NCOR1: variants seen among roughly 807,000 people sequenced by gnomAD.
NCOR1 encodes the protein nuclear receptor corepressor 1.
A neutral mutation model predicts 288.1 loss-of-function variants in NCOR1; 63 were observed. The observed-to-expected ratio is 0.22, with a 90% CI of 0.18 to 0.27. The LOEUF (loss-of-function observed/expected upper bound fraction) is 0.27, where lower values mean the gene tolerates loss of function less well. NCOR1 is among the 10% of genes least tolerant of loss of function. NCOR1 has a pLI of 1.00. For synonymous variants in NCOR1, 1,007 were observed against 1,065.9 expected (o/e 0.94, Z 1.08); for missense variants, 2,397 against 3,019.2 (o/e 0.79, Z 4.83).
At chr17:16,190,855 T>C (rs1422630415) in intron 2 of NCOR1, among the ~76,000 whole-genome samples, 1 of 152,186 alleles carries the variant, frequency 6.6e-6, no homozygotes, top group Admixed American at 6.5e-5. Context: ...GCTTGATCGC[T>C]GAGAGAAATG....
intron 31 of NCOR1, among the ~76,000 whole-genome samples, chr17:16,068,936 C>T (rs1411622028): frequency 6.6e-6 from 1 of 152,042 alleles, no homozygotes; most frequent in East Asian, 1.9e-4. Context: ...AGGATGGGCT[C>T]AATCTCCTGA....
intron 2 of NCOR1, chr17:16,192,142 C>T (rs1277937695): frequency 6.7e-6 from 1 of 149,748 alleles, no homozygotes; most frequent in Admixed American, 6.7e-5. Context: ...TAGCAAGGCA[C>T]CATCTTCGTT....
intron 19 of NCOR1, among the ~76,000 whole-genome samples, chr17:16,107,660 C>T (rs529945845): frequency 6.6e-6 from 1 of 152,266 alleles, no homozygotes. Flanking sequence ...ATACTAGCCA[C>T]CAGAAACAAA....
At chr17:16,041,679 T>G (rs113031540) in intron 42 of NCOR1, among the ~76,000 whole-genome samples, 2 of 152,124 alleles carry the variant, frequency 1.3e-5, no homozygotes, top group African/African-American at 4.8e-5. Flanking sequence ...CCTCCTAAAG[T>G]GCTGGGATTA....
intron 6 of NCOR1, among the ~76,000 whole-genome samples, chr17:16,156,634 A>G (rs1383553172): frequency 6.6e-6 from 1 of 152,196 alleles, no homozygotes; most frequent in Non-Finnish European, 1.5e-5. Context: ...AGGCAAGTTT[A>G]ACACTGAAAC....
At chr17:16,198,326 C>G (rs1350862823) in intron 1 of NCOR1, 2 of 143,172 alleles carry the variant, frequency 1.4e-5, no homozygotes, top group East Asian at 4.1e-4. Flanking sequence ...CCACTACCCT[C>G]TAGCCTGGGC....
chr17:16,109,209 T>C (rs2069445723), intron 18 of NCOR1, among the ~76,000 whole-genome samples: 1 of 152,110 alleles, frequency 6.6e-6, no homozygotes, highest in Non-Finnish European at 1.5e-5. Context: ...TCCATGCTTT[T>C]TACTCACTCC....
In NCOR1 at chr17:16,126,163, TCTTTTTCTTCTA is replaced by T. The variant is rs1409920260; in HGVS notation, c.1541_1552del (p.Val514_Lys517del). ...TTCTGTTTTTTCTGCTTTATCCTCT[TCTTTTTCTTCTA>T]CTTTTTCTTCTTGCGAGGGTCGAGC... On this transcript the variant is annotated inframe_deletion, in exon 15 of 46. Transcript: ENST00000268712. 4 of 1,566,386 alleles carry T rather than the reference TCTTTTTCTTCTA, an allele frequency of 2.6e-6. No individual in the cohort carries two copies. The South Asian group carries it at 5.0e-5, about 19-fold the overall frequency.
chr17:16,091,708 T>G (rs540455903), intron 22 of NCOR1, 155 bp downstream of exon 22: 115 of 1,451,730 alleles, frequency 7.9e-5, no homozygotes, highest in Non-Finnish European at 9.7e-5. Context: ...CATTTCTTCA[T>G]AGTTTAAGGT....
intron 19 of NCOR1, among the ~76,000 whole-genome samples, chr17:16,102,620 G>C (rs1273362095): frequency 6.8e-6 from 1 of 147,152 alleles, no homozygotes; most frequent in East Asian, 2.0e-4. Context: ...TGGAGGCAGA[G>C]TCTCGCTCTG....
chr17:16,169,330 T>C (rs74550144), intron 4 of NCOR1, among the ~76,000 whole-genome samples: 6 of 151,978 alleles, frequency 3.9e-5, no homozygotes, highest in African/African-American at 1.4e-4. Context: ...ATAATACACA[T>C]ACAAATAGGG....
At chr17:16,153,222 T>C (rs2079146836) in intron 7 of NCOR1, 117 bp downstream of exon 7, 1 of 689,412 alleles carries the variant, frequency 1.5e-6, no homozygotes, top group Non-Finnish European at 2.4e-6. Context: ...GCTACATCTC[T>C]GCTCAGCTAC....
At chr17:16,182,307 A>C (rs987349591) in intron 3 of NCOR1, among the ~76,000 whole-genome samples, 2 of 152,192 alleles carry the variant, frequency 1.3e-5, no homozygotes, top group Non-Finnish European at 2.9e-5. Flanking sequence ...GCTTTTAAGA[A>C]TAATGTAATA....
At chr17:16,035,045 G>GT in intron 44 of NCOR1, 101 bp from the exon 45 acceptor site, 1 of 1,091,164 alleles carries the variant, frequency 9.2e-7, no homozygotes, top group Non-Finnish European at 1.3e-6. Context: ...AAGCAGAATG[G>GT]TAACATGAAG....
chr17:16,183,342 G>A (rs1333093619), intron 3 of NCOR1, among the ~76,000 whole-genome samples: 1 of 147,212 alleles, frequency 6.8e-6, no homozygotes, highest in Admixed American at 6.7e-5. Context: ...ATGTATAAAA[G>A]TTCCCCAAGA....
At chr17:16,104,004 A>AC (rs950896522) in intron 19 of NCOR1, among the ~76,000 whole-genome samples, 17 of 151,484 alleles carry the variant, frequency 1.1e-4, no homozygotes, top group African/African-American at 2.7e-4. Flanking sequence ...CTGTACCCCC[A>AC]CCCCCCCAAA....
At chr17:16,198,772 T>C (rs2090314671) in intron 1 of NCOR1, 2 of 152,146 alleles carry the variant, frequency 1.3e-5, no homozygotes, top group Admixed American at 6.5e-5. Flanking sequence ...TTCATGCATT[T>C]TGTAAAAGTT....
intron 31 of NCOR1, among the ~76,000 whole-genome samples, chr17:16,069,428 C>G (rs1001291199): frequency 6.6e-6 from 1 of 152,166 alleles, no homozygotes; most frequent in African/African-American, 2.4e-5. Flanking sequence ...CCAGGACGTA[C>G]CATGTGAGCC....
At chr17:16,106,404 C>A (rs2068632472) in intron 19 of NCOR1, among the ~76,000 whole-genome samples, 1 of 150,352 alleles carries the variant, frequency 6.7e-6, no homozygotes, top group Non-Finnish European at 1.5e-5. Flanking sequence ...AAGCAGTAGC[C>A]AAACATGAGT....
Sources: allele counts gnomAD v4.1 joint callset (sites outside exome capture counted in the v4.1 genomes callset), GRCh38; gene constraint gnomAD v4.1.1; transcripts MANE v1.5; gene names NCBI Gene and HGNC (gene_info 2026-07-23, HGNC 2026-07-21).